FOCAD: variants seen among roughly 807,000 people sequenced by gnomAD.
FOCAD encodes KIAA1797.
FOCAD carries 198 observed loss-of-function variants against 225.6 expected under a neutral mutation model. The ratio of observed to expected loss-of-function variants is 0.88; its 90% CI spans 0.78 to 0.99. The LOEUF (loss-of-function observed/expected upper bound fraction) is 0.99. Ranked by LOEUF, FOCAD falls within the 50% of genes least tolerant of loss-of-function variation. The pLI, the probability that FOCAD is intolerant of heterozygous loss-of-function variation, is 0.00. For missense variants in FOCAD, 2,713 were observed against 2,123.6 expected (o/e 1.28, Z -5.46); for synonymous variants, 897 against 755.0 (o/e 1.19, Z -3.08).
chr9:20,739,406 C>G (rs1416952678), intron 4 of FOCAD, among the ~76,000 whole-genome samples: 1 of 152,016 alleles, frequency 6.6e-6, no homozygotes, highest in Non-Finnish European at 1.5e-5. Context: ...GAGTTTGAGA[C>G]CAGCCTGACC....
At chr9:20,667,600 C>T (rs927953573) in intron 2 of FOCAD, among the ~76,000 whole-genome samples, 7 of 152,260 alleles carry the variant, frequency 4.6e-5, no homozygotes, top group South Asian at 2.1e-4. Context: ...AACATCCCTG[C>T]GAGGACAGAG....
At chr9:20,756,801 T>C (rs1829094774) in intron 5 of FOCAD, among the ~76,000 whole-genome samples, 1 of 152,242 alleles carries the variant, frequency 6.6e-6, no homozygotes. Flanking sequence ...GATGGTCTGA[T>C]TGTTACTCTT....
At chr9:20,796,277 G>A (rs544328883) in intron 11 of FOCAD, among the ~76,000 whole-genome samples, 41 of 152,262 alleles carry the variant, frequency 2.7e-4, no homozygotes, top group African/African-American at 7.9e-4. Context: ...ATAAACATAC[G>A]TGTGCATGTG....
chr9:20,710,352 T>G (rs10964669), intron 1 of FOCAD, among the ~76,000 whole-genome samples: 62,078 of 151,146 alleles, frequency 0.41, 13,468 homozygotes, highest in South Asian at 0.5. Context: ...TCGCAGCACT[T>G]TGGGAGGCCG....
At chr9:20,952,831 G>T (rs1238953335) in intron 34 of FOCAD, among the ~76,000 whole-genome samples, 154 bp from the exon 35 acceptor site, 1 of 152,098 alleles carries the variant, frequency 6.6e-6, no homozygotes, top group Non-Finnish European at 1.5e-5. Context: ...TAATCTAATA[G>T]AATTAGTTGC....
At chr9:20,715,498 T>C (rs558231327) in intron 2 of FOCAD, 88 bp downstream of exon 2, 6 of 534,822 alleles carry the variant, frequency 1.1e-5, no homozygotes, top group African/African-American at 3.9e-5. Context: ...TAATATTAAA[T>C]ATTTTATTCT....
chr9:20,819,621 A>G (rs981853257), intron 11 of FOCAD, among the ~76,000 whole-genome samples, 175 bp from the exon 12 acceptor site: 3 of 152,138 alleles, frequency 2.0e-5, no homozygotes, highest in African/African-American at 7.2e-5. Flanking sequence ...AAGTGGTAGA[A>G]TACTAGTGAC....
intron 35 of FOCAD, among the ~76,000 whole-genome samples, chr9:20,961,760 T>C (rs927002201): frequency 1.1e-4 from 17 of 152,200 alleles, no homozygotes; most frequent in Non-Finnish European, 1.6e-4. Flanking sequence ...AGTAATCTCC[T>C]GTCCCTGCTG....
rs1373857132 is a variant in FOCAD, at chr9:20,715,384, T to C, written c.31T>C (p.Phe11Leu). 1.3e-6 allele frequency: 2 copies of C among 1,525,868 alleles called. No individual in the cohort carries two copies. Among genetic ancestry groups the C allele is most frequent in the Non-Finnish European group, 1.8e-6 (2 of 1,130,006 alleles). The allele number at this position is 1,525,868 out of a possible 1,614,324, so 94.5% of individuals were successfully genotyped here. Reference protein sequence around the residue: MSDDIRKRFEFPNSLIQSQAV... With the variant: MSDDIRKRFELPNSLIQSQAV... Reference sequence around the variant, plus strand: ...AGATGATATCAGGAAAAGGTTTGAATTTCCAAATTCTCTTATCCAATCACA... The same window carrying C: ...AGATGATATCAGGAAAAGGTTTGAACTTCCAAATTCTCTTATCCAATCACA... The change falls in exon 2 of 44, where the codon TTT (phenylalanine) becomes CTT (leucine). Residue 11 changes from phenylalanine (F) to leucine (L), a missense_variant. Physicochemically the swap from Phe to Leu is conservative, Grantham distance 22. Transcript: ENST00000338382.
At chr9:20,807,941 C>A (rs527987091) in intron 11 of FOCAD, among the ~76,000 whole-genome samples, 2 of 151,984 alleles carry the variant, frequency 1.3e-5, no homozygotes, top group Non-Finnish European at 2.9e-5. Context: ...ATTCCAGCTA[C>A]TTGTGAGGCT....
intron 7 of FOCAD, among the ~76,000 whole-genome samples, chr9:20,769,416 C>T (rs1254256523): frequency 6.6e-6 from 1 of 152,178 alleles, no homozygotes; most frequent in Non-Finnish European, 1.5e-5. Flanking sequence ...ATACCAACTC[C>T]AGAATTTTGA....
chr9:20,659,452 C>CAGAA (rs1821645498), intron 2 of FOCAD, among the ~76,000 whole-genome samples: 1 of 34,062 alleles, frequency 2.9e-5, no homozygotes, highest in Non-Finnish European at 5.9e-5. Flanking sequence ...GACAGACAGA[C>CAGAA]AGAAAGAAAA....
Position 20,765,056 on chromosome 9 carries a change from A to G in FOCAD, c.682A>G (p.Ile228Val), listed in dbSNP as rs774438475. Residue 228 changes from isoleucine (I) to valine (V), a missense_variant, in exon 7 of 44, where the codon ATA (isoleucine) becomes GTA (valine). By Grantham distance (29) the Ile-to-Val change is conservative. Coordinates refer to ENST00000338382, the MANE Select transcript of FOCAD (RefSeq NM_001375567.1). ...GCAGATACTTCAACTGTGTTGTGAC[A>G]TAGTTCCATGTTTGCAGGTAAGGTC... ...EQQILQLCCD[I>V]VPCLQVKDLI... 3.7e-6 allele frequency: 6 copies of G among 1,613,536 alleles called. No homozygotes were observed. Among genetic ancestry groups the G allele is most frequent in the Non-Finnish European group, 5.1e-6 (6 of 1,179,704 alleles).
chr9:20,950,151 T>C (rs1837562288), intron 33 of FOCAD, among the ~76,000 whole-genome samples: 1 of 152,080 alleles, frequency 6.6e-6, no homozygotes, highest in Non-Finnish European at 1.5e-5. Context: ...AAAAAAAGAT[T>C]ATGTTTGTTG....
At chr9:20,993,018 A>T (rs1381865865) in intron 42 of FOCAD, among the ~76,000 whole-genome samples, 1 of 151,872 alleles carries the variant, frequency 6.6e-6, no homozygotes, top group African/African-American at 2.4e-5. Flanking sequence ...AGTAGGTTTG[A>T]CTTTGCCAGG....
At chr9:20,774,079 C>T (rs984335897) in intron 8 of FOCAD, among the ~76,000 whole-genome samples, 1 of 152,170 alleles carries the variant, frequency 6.6e-6, no homozygotes, top group Non-Finnish European at 1.5e-5. Flanking sequence ...TTGTGTGCTC[C>T]TTATAAGAAT....
chr9:20,730,803 A>G (rs1439605296), intron 4 of FOCAD, among the ~76,000 whole-genome samples: 3 of 152,202 alleles, frequency 2.0e-5, no homozygotes. Flanking sequence ...TCCTCATAGC[A>G]GTTAAATCTC....
At chr9:20,700,178 C>T (rs537971826) in intron 1 of FOCAD, among the ~76,000 whole-genome samples, 7 of 151,440 alleles carry the variant, frequency 4.6e-5, no homozygotes, top group Admixed American at 2.6e-4. Flanking sequence ...TTCCTTTTAC[C>T]CCAATGGGAA....
intron 35 of FOCAD, among the ~76,000 whole-genome samples, chr9:20,966,661 C>T (rs1839286427): frequency 6.6e-6 from 1 of 152,112 alleles, no homozygotes; most frequent in South Asian, 2.1e-4. Flanking sequence ...TATATTTAAG[C>T]TGTTAACCCA....
Sources: gnomAD v4.1 joint callset for allele counts (sites outside exome capture counted in the v4.1 genomes callset) on GRCh38, gnomAD v4.1.1 for gene constraint, MANE v1.5 for transcripts, NCBI Gene and HGNC (gene_info 2026-07-23, HGNC 2026-07-21) for gene names.